The following TMEM63C variants were observed in gnomAD, a reference collection of about 807,000 sequenced individuals.
TMEM63C encodes the protein transmembrane protein 63C.
A neutral mutation model predicts 99.2 loss-of-function variants in TMEM63C; 32 were observed. That is an observed-to-expected ratio of 0.32 (90% CI 0.24 to 0.43). TMEM63C has a LOEUF of 0.43. Among genes scored for constraint, TMEM63C ranks in the 20% least tolerant of loss-of-function variants. The pLI is 1.00. For synonymous variants in TMEM63C, 376 were observed against 397.9 expected (o/e 0.94, Z 0.66); for missense variants, 826 against 1,053.0 (o/e 0.78, Z 2.98).
chr14:77,182,997 C>T (rs1271159935), intron 1 of TMEM63C, among the ~76,000 whole-genome samples: 2 of 152,178 alleles, frequency 1.3e-5, no homozygotes, highest in African/African-American at 2.4e-5. Context: ...GTTCTCTCTC[C>T]GGCCCCTGTC....
chr14:77,250,877 A>G (rs1297392392), intron 21 of TMEM63C, among the ~76,000 whole-genome samples: 1 of 152,198 alleles, frequency 6.6e-6, no homozygotes, highest in Non-Finnish European at 1.5e-5. Context: ...ATCATCAAAA[A>G]TAGAAAAAAT....
Position 77,243,034 on chromosome 14 carries a change from C to T in TMEM63C, c.1319C>T (p.Thr440Ile). 6.2e-7 allele frequency: 1 copy of T among 1,613,854 alleles called. No individual in the cohort carries two copies. Among genetic ancestry groups the T allele is most frequent in the Non-Finnish European group, 8.5e-7 (1 of 1,179,880 alleles). ...IMNTIDMYNVTRPIEKLQNPI... is the reference protein window; with the variant it reads ...IMNTIDMYNVIRPIEKLQNPI... ...AACACTATCGACATGTACAACGTCA[C>T]CCGCCCCATCGAGAAGCTGCAGGTG... The change falls in exon 15 of 24, where the codon ACC (threonine) becomes ATC (isoleucine). Residue 440 changes from threonine (T) to isoleucine (I), a missense_variant. Transcript: ENST00000298351.
At chr14:77,198,563 G>A (rs1390866064) in intron 1 of TMEM63C, among the ~76,000 whole-genome samples, 9 of 152,214 alleles carry the variant, frequency 5.9e-5, no homozygotes, top group African/African-American at 1.7e-4. Context: ...AATTTGCCGC[G>A]ATTCTGATCA....
At chr14:77,187,663 C>A (rs1888026040) in intron 1 of TMEM63C, among the ~76,000 whole-genome samples, 1 of 152,248 alleles carries the variant, frequency 6.6e-6, no homozygotes, top group South Asian at 2.1e-4. Flanking sequence ...CCAGCACCCT[C>A]CTGTGTGGCT....
intron 1 of TMEM63C, among the ~76,000 whole-genome samples, chr14:77,206,251 G>C (rs576254769): frequency 1.8e-4 from 28 of 152,236 alleles, no homozygotes; most frequent in Non-Finnish European, 3.5e-4. Flanking sequence ...GGGCAGGGCA[G>C]GGGGCTGGGG....
chr14:77,191,739 T>G (rs1045310235), intron 1 of TMEM63C, among the ~76,000 whole-genome samples: 11 of 152,046 alleles, frequency 7.2e-5, no homozygotes, highest in Non-Finnish European at 1.3e-4. Flanking sequence ...AGATGGGATT[T>G]CTCCATGTTG....
intron 7 of TMEM63C, 24 bp from the exon 8 acceptor site, chr14:77,233,428 G>A (rs201317879): frequency 1.8e-4 from 283 of 1,611,626 alleles, no homozygotes; most frequent in Non-Finnish European, 2.3e-4. Context: ...CAGGCTCGAG[G>A]TCAGCAACTT....
chr14:77,194,652 A>G (rs1888185359), intron 1 of TMEM63C, among the ~76,000 whole-genome samples: 1 of 151,404 alleles, frequency 6.6e-6, no homozygotes, highest in South Asian at 2.1e-4. Flanking sequence ...TGACTCACTG[A>G]AGCCTCAACC....
chr14:77,237,315 C>T (rs976060569), intron 9 of TMEM63C, among the ~76,000 whole-genome samples: 2 of 152,138 alleles, frequency 1.3e-5, no homozygotes, highest in African/African-American at 4.8e-5. Flanking sequence ...CTTCTGCAGT[C>T]TCTCGGAGAT....
At chr14:77,248,554 G>A (rs1345833280) in intron 19 of TMEM63C, 45 bp downstream of exon 19, 13 of 1,557,900 alleles carry the variant, frequency 8.3e-6, no homozygotes, top group Non-Finnish European at 1.1e-5. Context: ...GTTTCCTTTG[G>A]GAGGGTGTCA....
At chr14:77,189,125 T>C (rs1356755578) in intron 1 of TMEM63C, among the ~76,000 whole-genome samples, 1 of 152,094 alleles carries the variant, frequency 6.6e-6, no homozygotes, top group Admixed American at 6.5e-5. Flanking sequence ...TCTTTTTTTT[T>C]TTGAGACAGG....
intron 5 of TMEM63C, 108 bp from the exon 6 acceptor site, chr14:77,225,316 C>T (rs950986522): frequency 1.5e-5 from 14 of 940,474 alleles, no homozygotes; most frequent in African/African-American, 1.2e-4. Context: ...AAGGAGGCCC[C>T]GGACGCTGCC....
At chr14:77,238,283 G>A (rs1889095933) in intron 9 of TMEM63C, among the ~76,000 whole-genome samples, 1 of 152,246 alleles carries the variant, frequency 6.6e-6, no homozygotes, top group Non-Finnish European at 1.5e-5. Flanking sequence ...AACAGTGGAA[G>A]CTACAGGGAG....
intron 6 of TMEM63C, among the ~76,000 whole-genome samples, chr14:77,226,261 C>T (rs68108370): frequency 0.44 from 66,299 of 151,982 alleles, 16,842 homozygotes; most frequent in Admixed American, 0.57. Context: ...TACCCAAAGA[C>T]TCCTATCACA....
chr14:77,211,568 T>G (rs1027938936), intron 1 of TMEM63C, among the ~76,000 whole-genome samples: 4 of 152,212 alleles, frequency 2.6e-5, no homozygotes, highest in Admixed American at 2.0e-4. Context: ...CTAACTCATC[T>G]GGAAGGGGAA....
chr14:77,238,068 CT>C (rs1889091798), intron 9 of TMEM63C, among the ~76,000 whole-genome samples: 1 of 152,216 alleles, frequency 6.6e-6, no homozygotes, highest in East Asian at 1.9e-4. Flanking sequence ...CCAGAAGCCT[CT>C]TTCAAGACCC....
At chr14:77,210,618 C>T (rs1442663668) in intron 1 of TMEM63C, among the ~76,000 whole-genome samples, 1 of 152,030 alleles carries the variant, frequency 6.6e-6, no homozygotes. Flanking sequence ...GAGAGTAAAC[C>T]TCACTGAGAG....
chr14:77,255,669 A>G (rs1449629928), intron 23 of TMEM63C, among the ~76,000 whole-genome samples: 1 of 152,252 alleles, frequency 6.6e-6, no homozygotes, highest in African/African-American at 2.4e-5. Context: ...ATTTACACTC[A>G]GAGAGATGTA....
intron 6 of TMEM63C, 47 bp downstream of exon 6, chr14:77,225,508 TG>T (rs777228770): frequency 3.8e-6 from 6 of 1,583,430 alleles, no homozygotes; most frequent in Admixed American, 1.7e-5. Context: ...GCCTTGGGGG[TG>T]GGGGGTGGAG....
Sources: allele counts gnomAD v4.1 joint callset (sites outside exome capture counted in the v4.1 genomes callset), GRCh38; gene constraint gnomAD v4.1.1; transcripts MANE v1.5; gene names NCBI Gene and HGNC (gene_info 2026-07-23, HGNC 2026-07-21).